Variants in CYB5R4 observed in about 807,000 individuals in gnomAD.
CYB5R4 encodes the protein cytochrome b5 reductase 4, also known as N-terminal cytochrome b5 and cytochrome b5 oxidoreductase domain-containing protein.
CYB5R4 carries 55 observed loss-of-function variants against 70.2 expected under a neutral mutation model. The observed-to-expected ratio is 0.78, with a 90% CI of 0.63 to 0.98. The LOEUF (loss-of-function observed/expected upper bound fraction) is 0.98, where lower values mean the gene tolerates loss of function less well. Ranked by LOEUF, CYB5R4 falls within the 50% of genes least tolerant of loss-of-function variation. The pLI, the probability that CYB5R4 is intolerant of heterozygous loss-of-function variation, is 0.00. For missense variants in CYB5R4, 562 were observed against 612.6 expected (o/e 0.92, Z 0.87); for synonymous variants, 197 against 199.5 (o/e 0.99, Z 0.11).
At chr6:83,927,033 G>C (rs1201512063) in intron 10 of CYB5R4, among the ~76,000 whole-genome samples, 1 of 152,058 alleles carries the variant, frequency 6.6e-6, no homozygotes. Flanking sequence ...TGCCTTGTCA[G>C]CTCCTAAAGT....
rs1169765622 is a variant in CYB5R4, at chr6:83,966,427, C to T, written c.*6549C>T. 6.6e-6 allele frequency: 1 copy of T among 152,184 alleles called. No homozygotes were observed. The highest frequency in any genetic ancestry group is 1.9e-4 in the East Asian group (1 of 5,186). The allele number at this position is 152,184 out of a possible 1,614,324, so 9.4% of individuals were successfully genotyped here. A position where few individuals can be genotyped will look rare whatever the true frequency, so the allele number is the denominator to read the frequency against. ...AAAAGGAGGCCTGTGTGCGGTGGCTCATGCCTGTAATCCCAGCACTTTGGG... is the reference window on the plus strand; with the variant it reads ...AAAAGGAGGCCTGTGTGCGGTGGCTTATGCCTGTAATCCCAGCACTTTGGG... On this transcript the variant is annotated 3_prime_UTR_variant, in exon 16 of 16. Coordinates refer to ENST00000369681, the MANE Select transcript of CYB5R4 (RefSeq NM_016230.4).
intron 3 of CYB5R4, among the ~76,000 whole-genome samples, chr6:83,907,001 T>G (rs1420177895): frequency 1.3e-5 from 2 of 152,224 alleles, no homozygotes; most frequent in Non-Finnish European, 2.9e-5. Context: ...ATGAGTATCC[T>G]GGTACCTACA....
At chr6:83,860,251 A>G (rs1269822696) in intron 1 of CYB5R4, among the ~76,000 whole-genome samples, 1 of 151,950 alleles carries the variant, frequency 6.6e-6, no homozygotes, top group Non-Finnish European at 1.5e-5. Flanking sequence ...GTTGTACCAC[A>G]TCACTCGATG....
intron 9 of CYB5R4, among the ~76,000 whole-genome samples, chr6:83,923,962 CAGG>C (rs1352568358): frequency 6.8e-6 from 1 of 147,304 alleles, no homozygotes; most frequent in Non-Finnish European, 1.5e-5. Flanking sequence ...CCCAGCTACT[CAGG>C]AGGCTGAGGC....
At chr6:83,867,863 G>A (rs568792288) in intron 2 of CYB5R4, among the ~76,000 whole-genome samples, 36 of 152,296 alleles carry the variant, frequency 2.4e-4, no homozygotes, top group African/African-American at 8.2e-4. Context: ...CCCTGCTTAC[G>A]CTGTACATAC....
At chr6:83,918,611 T>C (rs2099465877) in intron 6 of CYB5R4, among the ~76,000 whole-genome samples, 1 of 152,038 alleles carries the variant, frequency 6.6e-6, no homozygotes, top group Non-Finnish European at 1.5e-5. Flanking sequence ...TTATATCTAG[T>C]TCATTTTTAT....
intron 10 of CYB5R4, 36 bp downstream of exon 10, chr6:83,924,628 T>G: frequency 1.3e-6 from 2 of 1,598,232 alleles, no homozygotes; most frequent in Non-Finnish European, 1.7e-6. Context: ...AATTTCACAT[T>G]CATGAAATTG....
Position 83,964,924 on chromosome 6 carries a change from A to G in CYB5R4, c.*5046A>G, listed in dbSNP as rs2099473838. ...ATGGCTTCAGAGGGTGAAAGCCTTAAGCCTTGGCAACTTCCATGTGATGTT... is the reference window on the plus strand; with the variant it reads ...ATGGCTTCAGAGGGTGAAAGCCTTAGGCCTTGGCAACTTCCATGTGATGTT... On this transcript the variant is annotated 3_prime_UTR_variant, in exon 16 of 16. Transcript: ENST00000369681. The G allele has an allele frequency of 6.6e-6, 1 of 152,236 alleles. No homozygotes were observed. Among genetic ancestry groups the G allele is most frequent in the Non-Finnish European group, 1.5e-5 (1 of 68,046 alleles). 9.4% of individuals were successfully genotyped at this position (152,236 alleles called of 1,614,324 possible). A position where few individuals can be genotyped will look rare whatever the true frequency, so the allele number is the denominator to read the frequency against.
chr6:83,894,709 C>CT (rs1255305896), intron 3 of CYB5R4, among the ~76,000 whole-genome samples: 3 of 152,048 alleles, frequency 2.0e-5, no homozygotes, highest in Admixed American at 2.0e-4. Context: ...GCATTATATA[C>CT]TATATTCTTA....
intron 9 of CYB5R4, among the ~76,000 whole-genome samples, chr6:83,923,061 C>A (rs953894951): frequency 2.0e-5 from 3 of 149,404 alleles, no homozygotes; most frequent in Admixed American, 6.7e-5. Context: ...AAAAAAAAAT[C>A]TGTCTCCTTT....
chr6:83,917,444 G>C (rs1403964551), intron 5 of CYB5R4, among the ~76,000 whole-genome samples: 2 of 152,066 alleles, frequency 1.3e-5, no homozygotes, highest in East Asian at 3.9e-4. Context: ...TCAACACTGT[G>C]TATAATAACT....
intron 2 of CYB5R4, among the ~76,000 whole-genome samples, chr6:83,870,562 C>G (rs1386250065): frequency 6.6e-6 from 1 of 151,020 alleles, no homozygotes; most frequent in Non-Finnish European, 1.5e-5. Context: ...AGCAGTTTTT[C>G]AAATTTGGAA....
intron 1 of CYB5R4, among the ~76,000 whole-genome samples, chr6:83,863,755 T>C (rs551799994): frequency 1.4e-4 from 21 of 152,226 alleles, no homozygotes; most frequent in Non-Finnish European, 2.1e-4. Context: ...ATAAGAATTA[T>C]AAAACAATGC....
intron 14 of CYB5R4, among the ~76,000 whole-genome samples, chr6:83,947,506 C>T (rs1302844991): frequency 6.6e-6 from 1 of 152,164 alleles, no homozygotes; most frequent in South Asian, 2.1e-4. Context: ...GACTTCATGA[C>T]TAAAACTCCA....
intron 10 of CYB5R4, among the ~76,000 whole-genome samples, chr6:83,931,334 A>G (rs1440904792): frequency 6.6e-6 from 1 of 152,190 alleles, no homozygotes; most frequent in Non-Finnish European, 1.5e-5. Context: ...AGCAGGGAAA[A>G]TAAGAGTAAC....
chr6:83,879,186 T>C (rs1413114871), intron 2 of CYB5R4, among the ~76,000 whole-genome samples: 3 of 151,968 alleles, frequency 2.0e-5, no homozygotes, highest in Non-Finnish European at 4.4e-5. Flanking sequence ...ATGCAGCATC[T>C]AGAATGCAGG....
chr6:83,942,172 G>A (rs1037434969), intron 14 of CYB5R4, among the ~76,000 whole-genome samples: 9 of 152,082 alleles, frequency 5.9e-5, no homozygotes, highest in African/African-American at 9.7e-5. Context: ...TAAACTGGTC[G>A]ATTCCTGGGC....
intron 2 of CYB5R4, among the ~76,000 whole-genome samples, chr6:83,879,978 T>G (rs1484008017): frequency 6.6e-6 from 1 of 152,216 alleles, no homozygotes; most frequent in Non-Finnish European, 1.5e-5. Context: ...ATCATCTGGT[T>G]GCCTTATGAC....
Position 83,962,861 on chromosome 6 carries a change from C to G in CYB5R4, c.*2983C>G, listed in dbSNP as rs1426181557. ...CTTCTCATACTTTCTGTGTGGCCCT[C>G]TTCAGCATTAGTGGATGAATCTCAT... On this transcript the variant is annotated 3_prime_UTR_variant, in exon 16 of 16. Coordinates refer to ENST00000369681, the MANE Select transcript of CYB5R4 (RefSeq NM_016230.4). 1 of 152,228 alleles carries G rather than the reference C, an allele frequency of 6.6e-6. No homozygotes were observed. The allele number at this position is 152,228 out of a possible 1,614,324, so 9.4% of individuals were successfully genotyped here. A position where few individuals can be genotyped will look rare whatever the true frequency, so the allele number is the denominator to read the frequency against.
Sources: allele counts gnomAD v4.1 joint callset (sites outside exome capture counted in the v4.1 genomes callset), GRCh38; gene constraint gnomAD v4.1.1; transcripts MANE v1.5; gene names NCBI Gene and HGNC (gene_info 2026-07-23, HGNC 2026-07-21).